The following EZH1 variants were observed in gnomAD, a reference collection of about 807,000 sequenced individuals.
EZH1 encodes enhancer of zeste 1 polycomb repressive complex 2 subunit.
Under a neutral mutation model 100.5 loss-of-function variants are expected in EZH1, and 33 were observed. That is an observed-to-expected ratio of 0.33 (90% CI 0.25 to 0.44). The LOEUF (loss-of-function observed/expected upper bound fraction) is 0.44. Ranked by LOEUF, EZH1 falls within the 20% of genes least tolerant of loss-of-function variation. The pLI is 1.00. For missense variants in EZH1, 475 were observed against 928.4 expected (o/e 0.51, Z 6.35); for synonymous variants, 272 against 313.8 (o/e 0.87, Z 1.41).
intron 4 of EZH1, 112 bp downstream of exon 4, chr17:42,727,523 G>A: frequency 2.3e-6 from 3 of 1,301,830 alleles, no homozygotes; most frequent in Non-Finnish European, 3.1e-6. Flanking sequence ...GAATACTTGT[G>A]TGAGCCACCA....
intron 1 of EZH1, among the ~76,000 whole-genome samples, chr17:42,735,368 TAAAAAAAAAA>T (rs529591516): frequency 7.1e-6 from 1 of 140,326 alleles, no homozygotes; most frequent in Admixed American, 7.1e-5. Context: ...ATATCAAAGT[TAAAAAAAAAA>T]AAGGGAACAA....
At chr17:42,722,625 CAAAA>C (rs11298431) in intron 6 of EZH1, among the ~76,000 whole-genome samples, 166 bp downstream of exon 6, 2 of 104,106 alleles carry the variant, frequency 1.9e-5, no homozygotes, top group Admixed American at 1.1e-4. Flanking sequence ...AACTCCGTCT[CAAAA>C]AAAAAAAAAA....
chr17:42,713,224 C>G lies in EZH1; in HGVS notation c.1189G>C (p.Ala397Pro), dbSNP rs1405415826. 3 of 1,612,982 alleles carry G rather than the reference C, an allele frequency of 1.9e-6. No individual in the cohort carries two copies. Among genetic ancestry groups the G allele is most frequent in the Non-Finnish European group, 2.5e-6 (3 of 1,179,626 alleles). Residue 397 changes from alanine (A) to proline (P), a missense_variant, in exon 11 of 21, where the codon GCC becomes CCC. Physicochemically the swap from Ala to Pro is conservative, Grantham distance 27. This residue lies in a region of EZH1 where 180 missense variants were observed against 295.3 expected (regional missense o/e 0.61). Transcript: ENST00000428826. ...TTCATCGTACCTGAAGAACTGGAGGCCCAGTCATTGCCTGTGTCCCTGTCA... is the reference window on the plus strand; with the variant it reads ...TTCATCGTACCTGAAGAACTGGAGGGCCAGTCATTGCCTGTGTCCCTGTCA... ...DSDRDTGNDW[A>P]SSSSEANSRC...
rs902494213 is a variant in EZH1, at chr17:42,714,878, A to T, written c.1024-1489T>A. On this transcript the variant is annotated intron_variant, in intron 10 of 20. Coordinates refer to ENST00000428826, the MANE Select transcript of EZH1 (RefSeq NM_001991.5). Reference sequence around the variant, plus strand: ...TATTTACATATAATTTTTATATATTATATATATAATATATAATATGGAAAT... The same window carrying T: ...TATTTACATATAATTTTTATATATTTTATATATAATATATAATATGGAAAT... Among the ~76,000 whole-genome samples the T allele has an allele frequency of 3.6e-5, 5 of 138,528 alleles. No homozygotes were observed. The South Asian group carries it at 8.4e-4, about 23-fold the overall frequency. The allele number at this position is 138,528 out of a possible 152,430, so 90.9% of individuals were successfully genotyped here.
In EZH1 at chr17:42,728,800, C is replaced by T. The variant is rs770026995; in HGVS notation, c.117+25G>A. On this transcript the variant is annotated intron_variant, in intron 3 of 20. Coordinates refer to ENST00000428826, the MANE Select transcript of EZH1 (RefSeq NM_001991.5). Reference sequence around the variant, plus strand: ...GGGTCAGTATATTGAAATATATAAACTTTCACTTGGGAATTATTTTTTACC... The same window carrying T: ...GGGTCAGTATATTGAAATATATAAATTTTCACTTGGGAATTATTTTTTACC... The T allele has an allele frequency of 2.5e-6, 4 of 1,603,984 alleles. No individual in the cohort carries two copies. In the South Asian group the frequency reaches 3.3e-5, roughly 13 times the overall value.
At chr17:42,714,429 G>A in intron 10 of EZH1, 1 of 343,514 alleles carries the variant, frequency 2.9e-6, no homozygotes, top group African/African-American at 2.1e-5. Context: ...ACTGAAATCT[G>A]CATGTGGCGT....
chr17:42,730,487 C>CTTTTTTTTTT (rs1156867481), intron 2 of EZH1, among the ~76,000 whole-genome samples: 2 of 66,666 alleles, frequency 3.0e-5, no homozygotes, highest in Admixed American at 2.1e-4. Flanking sequence ...AGTATGTATT[C>CTTTTTTTTTT]TTTTTTTTTT....
At chr17:42,710,301 G>A (rs1244616764) in intron 12 of EZH1, among the ~76,000 whole-genome samples, 1 of 152,126 alleles carries the variant, frequency 6.6e-6, no homozygotes, top group African/African-American at 2.4e-5. Flanking sequence ...TGAGTGTAAG[G>A]CAGGACAGGA....
chr17:42,712,801 G>A (rs1342475887), intron 11 of EZH1, among the ~76,000 whole-genome samples: 2 of 152,108 alleles, frequency 1.3e-5, no homozygotes, highest in African/African-American at 2.4e-5. Context: ...ACTTTAGGAC[G>A]CCGAGGCAGG....
At chr17:42,721,364 A>G (rs2053702823) in intron 6 of EZH1, among the ~76,000 whole-genome samples, 1 of 152,168 alleles carries the variant, frequency 6.6e-6, no homozygotes, top group Non-Finnish European at 1.5e-5. Context: ...AATCCAAACA[A>G]TTGGCTTTTA....
At chr17:42,707,321 C>T (rs2143723490) in intron 15 of EZH1, among the ~76,000 whole-genome samples, 1 of 152,110 alleles carries the variant, frequency 6.6e-6, no homozygotes, top group Middle Eastern at 3.4e-3. Flanking sequence ...AGTGCAGTGG[C>T]ACAATCTTGG....
At chr17:42,741,329 C>T (rs992780266) in intron 1 of EZH1, among the ~76,000 whole-genome samples, 5 of 152,182 alleles carry the variant, frequency 3.3e-5, no homozygotes, top group Admixed American at 1.3e-4. Flanking sequence ...AAGGGATTCT[C>T]GTTCCTCAGC....
chr17:42,739,047 C>T (rs998573221), intron 1 of EZH1, among the ~76,000 whole-genome samples: 1 of 152,124 alleles, frequency 6.6e-6, no homozygotes, highest in Non-Finnish European at 1.5e-5. Flanking sequence ...TGAGCTACCA[C>T]GCCTGGCCCC....
chr17:42,710,912 C>T (rs576773087), intron 12 of EZH1, among the ~76,000 whole-genome samples: 5 of 151,912 alleles, frequency 3.3e-5, no homozygotes, highest in African/African-American at 1.2e-4. Flanking sequence ...TGTGAGCCAC[C>T]TTGCCCAGTC....
At position 42,718,637 on chromosome 17, in the gene EZH1, T is replaced by A; in HGVS notation, c.768-20A>T. The stretch of plus-strand genomic sequence containing the variant: ...CGATACCTATTTAAGAAAAGAGAGA[T>A]AAGAGTTCCTCCGAGGAACTGCCTC... On this transcript the variant is annotated intron_variant, in intron 8 of 20. Transcript: ENST00000428826. The surrounding 1 kb of genome is among the most constrained non-coding windows in gnomAD (Gnocchi z 4.2). The A allele has an allele frequency of 6.2e-7, 1 of 1,613,358 alleles. No individual in the cohort carries two copies. Among genetic ancestry groups the A allele is most frequent in the South Asian group, 1.1e-5 (1 of 91,058 alleles).
intron 10 of EZH1, among the ~76,000 whole-genome samples, chr17:42,715,640 CTG>C (rs772197741): frequency 1.3e-5 from 2 of 152,076 alleles, no homozygotes; most frequent in Non-Finnish European, 2.9e-5. Flanking sequence ...AGAAATGACA[CTG>C]TGAAAAAACA....
chr17:42,726,611 A>G (rs1318227205), intron 4 of EZH1, among the ~76,000 whole-genome samples: 2 of 151,828 alleles, frequency 1.3e-5, no homozygotes, highest in Non-Finnish European at 2.9e-5. Flanking sequence ...TCCCGGGTTC[A>G]AGCAATTCTC....
chr17:42,719,518 C>T (rs1201761574), intron 7 of EZH1, among the ~76,000 whole-genome samples: 1 of 152,200 alleles, frequency 6.6e-6, no homozygotes, highest in Non-Finnish European at 1.5e-5. Context: ...GAGCGGATCA[C>T]TTGAGGCCAG....
At chr17:42,727,557 T>C in intron 4 of EZH1, 78 bp downstream of exon 4, 1 of 1,522,102 alleles carries the variant, frequency 6.6e-7, no homozygotes, top group Non-Finnish European at 8.9e-7. Context: ...TTATTCACTT[T>C]CTAAAAAGTC....
Sources: gnomAD v4.1 joint callset for allele counts (sites outside exome capture counted in the v4.1 genomes callset) on GRCh38, gnomAD v4.1.1 for gene constraint, gnomAD v4.1.1 regional missense constraint, Gnocchi (gnomAD v3.1) non-coding constraint, MANE v1.5 for transcripts, NCBI Gene and HGNC (gene_info 2026-07-23, HGNC 2026-07-21) for gene names.